The following EYS variants were observed in gnomAD, a reference collection of about 807,000 sequenced individuals.
EYS encodes the protein EGF-like photoreceptor maintenance factor.
Under a neutral mutation model 282.1 loss-of-function variants are expected in EYS, and 250 were observed. That is an observed-to-expected ratio of 0.89 (90% CI 0.80 to 0.98). The LOEUF is 0.98. EYS is among the 50% of genes least tolerant of loss of function. The probability of loss-of-function intolerance (pLI) is 0.00; values close to 1 mark genes in which losing one functional copy is unlikely to be tolerated. For missense variants in EYS, 4,016 were observed against 3,709.0 expected (o/e 1.08, Z -2.15); for synonymous variants, 1,355 against 1,282.9 (o/e 1.06, Z -1.20).
chr6:65,549,026 T>C (rs553605179), intron 2 of EYS, among the ~76,000 whole-genome samples: 2 of 152,244 alleles, frequency 1.3e-5, no homozygotes, highest in South Asian at 2.1e-4. Flanking sequence ...GCAGTTCAAA[T>C]AGGGTTTGAG....
chr6:63,776,141 C>T (rs929662063), intron 40 of EYS, among the ~76,000 whole-genome samples: 12 of 152,014 alleles, frequency 7.9e-5, no homozygotes, highest in African/African-American at 1.2e-4. Context: ...TCCACCCACA[C>T]GGCAATCTAT....
At chr6:65,027,729 C>T (rs1772464382) in intron 13 of EYS, among the ~76,000 whole-genome samples, 1 of 152,102 alleles carries the variant, frequency 6.6e-6, no homozygotes, top group African/African-American at 2.4e-5. Flanking sequence ...TTGTATTAAT[C>T]ACTTTGTTCC....
chr6:65,186,489 A>C (rs1765520059), intron 12 of EYS, among the ~76,000 whole-genome samples: 1 of 151,712 alleles, frequency 6.6e-6, no homozygotes, highest in African/African-American at 2.4e-5. Context: ...TTTGTCACTA[A>C]GCCTATTTAA....
chr6:64,931,006 A>G (rs956765658), intron 15 of EYS, among the ~76,000 whole-genome samples: 1 of 152,198 alleles, frequency 6.6e-6, no homozygotes, highest in Non-Finnish European at 1.5e-5. Context: ...GGCAGGTTGC[A>G]GTCAGCATTC....
intron 35 of EYS, among the ~76,000 whole-genome samples, chr6:63,984,027 A>C (rs1201891315): frequency 6.6e-6 from 1 of 151,524 alleles, no homozygotes; most frequent in Admixed American, 6.6e-5. Context: ...AAATATAAAA[A>C]ATTAATAAAT....
intron 28 of EYS, among the ~76,000 whole-genome samples, chr6:64,396,908 A>ATG (rs1773398889): frequency 6.6e-6 from 1 of 151,838 alleles, no homozygotes; most frequent in Non-Finnish European, 1.5e-5. Flanking sequence ...GTGTGCATGC[A>ATG]TGTGTGTGCA....
At chr6:64,660,126 C>G (rs193032820) in intron 22 of EYS, among the ~76,000 whole-genome samples, 1 of 143,576 alleles carries the variant, frequency 7.0e-6, no homozygotes, top group Non-Finnish European at 1.5e-5. Flanking sequence ...ACAGAACCAA[C>G]GACAAAAACC....
At chr6:63,929,968 C>T (rs1486947549) in intron 35 of EYS, among the ~76,000 whole-genome samples, 4 of 152,138 alleles carry the variant, frequency 2.6e-5, no homozygotes, top group African/African-American at 9.7e-5. Flanking sequence ...AAACTGAAAC[C>T]TATGTGTCGT....
chr6:65,613,004 C>A (rs1486705749), intron 2 of EYS, among the ~76,000 whole-genome samples: 1 of 151,662 alleles, frequency 6.6e-6, no homozygotes, highest in African/African-American at 2.4e-5. Flanking sequence ...AAATAACAAT[C>A]TTAAAACTTA....
At chr6:65,621,212 A>T (rs1766478150) in intron 2 of EYS, among the ~76,000 whole-genome samples, 1 of 152,122 alleles carries the variant, frequency 6.6e-6, no homozygotes, top group Admixed American at 6.6e-5. Flanking sequence ...GTCGCTCAGG[A>T]CTTGCTTTAT....
chr6:64,818,992 C>T (rs948401089), intron 21 of EYS, among the ~76,000 whole-genome samples: 7 of 152,156 alleles, frequency 4.6e-5, no homozygotes, highest in African/African-American at 9.7e-5. Context: ...ATTTCCACTC[C>T]TAAGGAGGTT....
Position 64,579,789 on chromosome 6 carries a change from G to A in EYS, c.5644+10434C>T, listed in dbSNP as rs368651441. On this transcript the variant is annotated intron_variant, in intron 26 of 42. Transcript: ENST00000503581. ...TCAAGAACAGACAGCTCTTTCCTAC[G>A]TGAATCCTGCTTTCTGGACATCTGG... is the stretch of plus-strand genomic sequence containing the variant. 1.8e-4 allele frequency among the ~76,000 whole-genome samples: 27 copies of A among 152,130 alleles called. No individual in the cohort carries two copies. The East Asian group carries it at 4.3e-3, about 24-fold the overall frequency.
chr6:64,306,082 CAAGAG>C (rs943270579), intron 30 of EYS, among the ~76,000 whole-genome samples: 1 of 151,986 alleles, frequency 6.6e-6, no homozygotes, highest in African/African-American at 2.4e-5. Context: ...AGAAATGTCT[CAAGAG>C]AAGATATACA....
intron 1 of EYS, among the ~76,000 whole-genome samples, chr6:65,690,471 GA>G (rs1769200821): frequency 1.3e-5 from 2 of 149,846 alleles, no homozygotes; most frequent in South Asian, 2.1e-4. Flanking sequence ...GCTTTTCTGG[GA>G]TAGGAATCTT....
chr6:65,559,804 A>G (rs989462560), intron 2 of EYS, among the ~76,000 whole-genome samples: 2 of 152,052 alleles, frequency 1.3e-5, no homozygotes, highest in Non-Finnish European at 2.9e-5. Flanking sequence ...TTTTGAATTT[A>G]TGGTACTGAA....
intron 35 of EYS, among the ~76,000 whole-genome samples, chr6:63,983,175 ACT>A (rs1235274834): frequency 6.6e-6 from 1 of 151,754 alleles, no homozygotes; most frequent in African/African-American, 2.4e-5. Context: ...TATCCATTGT[ACT>A]TATGTTGAAT....
chr6:65,003,638 T>A (rs1360416977), intron 13 of EYS, among the ~76,000 whole-genome samples: 1 of 147,280 alleles, frequency 6.8e-6, no homozygotes, highest in Admixed American at 6.8e-5. Flanking sequence ...CCTACCAACA[T>A]GGGATGTCTC....
At chr6:64,147,780 A>G (rs900145432) in intron 31 of EYS, among the ~76,000 whole-genome samples, 1 of 152,154 alleles carries the variant, frequency 6.6e-6, no homozygotes, top group Non-Finnish European at 1.5e-5. Flanking sequence ...TGCCCGTGCT[A>G]TGTAGATTGT....
At chr6:64,312,231 G>GT (rs1370916423) in intron 29 of EYS, among the ~76,000 whole-genome samples, 3 of 152,046 alleles carry the variant, frequency 2.0e-5, no homozygotes, top group Non-Finnish European at 4.4e-5. Context: ...TGAGTAGGTG[G>GT]TTTTACCCTC....
Sources: allele counts gnomAD v4.1 joint callset (sites outside exome capture counted in the v4.1 genomes callset), GRCh38; gene constraint gnomAD v4.1.1; transcripts MANE v1.5; gene names NCBI Gene and HGNC (gene_info 2026-07-23, HGNC 2026-07-21).